Variants in ZSWIM5 observed in about 807,000 individuals in gnomAD.
ZSWIM5 encodes zinc finger SWIM domain-containing protein 5.
Under a neutral mutation model 119.6 loss-of-function variants are expected in ZSWIM5, and 55 were observed. That is an observed-to-expected ratio of 0.46 (90% CI 0.37 to 0.58). ZSWIM5 has a LOEUF of 0.58. Among genes scored for constraint, ZSWIM5 ranks in the 20% least tolerant of loss-of-function variants. ZSWIM5 has a pLI of 0.00. For missense variants in ZSWIM5, 1,193 were observed against 1,512.8 expected (o/e 0.79, Z 3.51); for synonymous variants, 537 against 606.9 (o/e 0.88, Z 1.69).
rs186101195 is a variant in ZSWIM5, at chr1:45,115,845, C to T, written c.596-27608G>A. 6.8e-3 allele frequency among the ~76,000 whole-genome samples: 1,037 copies of T among 152,254 alleles called. 22 individuals carry two copies. Among genetic ancestry groups the T allele is most frequent in the African/African-American group, 0.024 (1,004 of 41,534 alleles). On this transcript the variant is annotated intron_variant, in intron 1 of 13. Coordinates refer to ENST00000359600, the MANE Select transcript of ZSWIM5 (RefSeq NM_020883.2). ...GCAGAGACACTCCTCACTTCCCAGACGGGGTGGCGGCCGGGCAGAGGCTGC... is the reference window on the plus strand; with the variant it reads ...GCAGAGACACTCCTCACTTCCCAGATGGGGTGGCGGCCGGGCAGAGGCTGC...
intron 2 of ZSWIM5, among the ~76,000 whole-genome samples, chr1:45,084,339 C>T (rs576338281): frequency 6.2e-4 from 95 of 152,284 alleles, no homozygotes; most frequent in Non-Finnish European, 1.1e-3. Flanking sequence ...ATTACAAATT[C>T]AATATGAGAT....
At chr1:45,200,648 T>C (rs551140260) in intron 1 of ZSWIM5, among the ~76,000 whole-genome samples, 2 of 152,334 alleles carry the variant, frequency 1.3e-5, no homozygotes, top group Non-Finnish European at 2.9e-5. Context: ...TCATTTTTTA[T>C]CAAGAATGAC....
chr1:45,153,064 A>C (rs1468755570), intron 1 of ZSWIM5, among the ~76,000 whole-genome samples: 1 of 150,824 alleles, frequency 6.6e-6, no homozygotes, highest in East Asian at 1.9e-4. Flanking sequence ...GCCATTTCAC[A>C]CCAATCAGAA....
chr1:45,114,935 CAT>C lies in ZSWIM5; in HGVS notation c.596-26700_596-26699del, dbSNP rs1645541332. Among the ~76,000 whole-genome samples the C allele has an allele frequency of 3.9e-5, 6 of 152,308 alleles. No homozygotes were observed. In the South Asian group the frequency reaches 1.2e-3, roughly 32 times the overall value. On this transcript the variant is annotated intron_variant, in intron 1 of 13. Coordinates refer to ENST00000359600, the MANE Select transcript of ZSWIM5 (RefSeq NM_020883.2). ...CATTTAACCCTTAGTGGACACAGCA[CAT>C]GTTTCAGAGAGCACGGGGTTGGGGG...
At chr1:45,188,879 A>G (rs1271357970) in intron 1 of ZSWIM5, among the ~76,000 whole-genome samples, 2 of 152,250 alleles carry the variant, frequency 1.3e-5, no homozygotes, top group Non-Finnish European at 2.9e-5. Context: ...CTAATCTCCA[A>G]GGGAATAGAT....
chr1:45,122,775 T>C (rs938192850), intron 1 of ZSWIM5, among the ~76,000 whole-genome samples: 1 of 152,172 alleles, frequency 6.6e-6, no homozygotes, highest in African/African-American at 2.4e-5. Flanking sequence ...AAGGCACTTT[T>C]AGACAATAAC....
At chr1:45,130,956 AT>A (rs1401179915) in intron 1 of ZSWIM5, among the ~76,000 whole-genome samples, 1 of 152,232 alleles carries the variant, frequency 6.6e-6, no homozygotes, top group Admixed American at 6.5e-5. Context: ...TCTCCAGAGA[AT>A]TATGCTGAGT....
At chr1:45,035,999 G>C in intron 9 of ZSWIM5, 40 bp downstream of exon 9, 1 of 1,598,904 alleles carries the variant, frequency 6.3e-7, no homozygotes, top group Non-Finnish European at 8.5e-7. Context: ...TCAGGGTCAT[G>C]GGCCAAAGAC....
intron 1 of ZSWIM5, among the ~76,000 whole-genome samples, chr1:45,183,612 T>G (rs1406914850): frequency 6.6e-6 from 1 of 152,214 alleles, no homozygotes; most frequent in Non-Finnish European, 1.5e-5. Context: ...CAGAGAATAC[T>G]ACAAACACCT....
At chr1:45,077,758 C>G (rs984819438) in intron 2 of ZSWIM5, among the ~76,000 whole-genome samples, 2 of 152,264 alleles carry the variant, frequency 1.3e-5, no homozygotes, top group East Asian at 1.9e-4. Flanking sequence ...CCCGGGGGGG[C>G]CAGTTCAGAG....
chr1:45,194,124 C>T (rs1646108640), intron 1 of ZSWIM5, among the ~76,000 whole-genome samples: 3 of 152,054 alleles, frequency 2.0e-5, no homozygotes, highest in Non-Finnish European at 4.4e-5. Context: ...ATGTTGGCTA[C>T]TCATATCAGT....
intron 1 of ZSWIM5, among the ~76,000 whole-genome samples, chr1:45,092,488 G>C (rs1408783407): frequency 7.0e-6 from 1 of 143,080 alleles, no homozygotes; most frequent in Admixed American, 7.3e-5. Context: ...GTAGAGACAG[G>C]GTTTCACCAT....
rs191879080 is a variant in ZSWIM5, at chr1:45,051,678, G to C, written c.1253-425C>G. On this transcript the variant is annotated intron_variant, in intron 4 of 13. Transcript: ENST00000359600. ...GTATTAAGATAAAGATATGTTCAGG[G>C]TATGAAAGCAGCATAGAGGAAGGGC... 7.0e-4 allele frequency among the ~76,000 whole-genome samples: 107 copies of C among 152,320 alleles called. No homozygotes were observed. The Middle Eastern group carries it at 0.024, about 34-fold the overall frequency.
chr1:45,133,595 G>A (rs1247306526), intron 1 of ZSWIM5, among the ~76,000 whole-genome samples: 1 of 152,148 alleles, frequency 6.6e-6, no homozygotes, highest in East Asian at 1.9e-4. Flanking sequence ...CTTTTGCTGT[G>A]CAGAAGCTCT....
At chr1:45,179,518 C>T (rs1308681389) in intron 1 of ZSWIM5, among the ~76,000 whole-genome samples, 1 of 152,092 alleles carries the variant, frequency 6.6e-6, no homozygotes, top group African/African-American at 2.4e-5. Context: ...GTAACAGATT[C>T]ATTCGTACGT....
chr1:45,117,486 G>T (rs190513034), intron 1 of ZSWIM5, among the ~76,000 whole-genome samples: 37 of 152,238 alleles, frequency 2.4e-4, no homozygotes, highest in African/African-American at 8.4e-4. Context: ...ACCAGCCCTG[G>T]CAACATAGTG....
At chr1:45,168,497 T>A (rs1476983940) in intron 1 of ZSWIM5, among the ~76,000 whole-genome samples, 2 of 150,812 alleles carry the variant, frequency 1.3e-5, no homozygotes, top group Non-Finnish European at 3.0e-5. Flanking sequence ...ATATATATTT[T>A]TTTTAAAAAA....
chr1:45,184,606 C>T (rs2149050455), intron 1 of ZSWIM5, among the ~76,000 whole-genome samples: 1 of 152,160 alleles, frequency 6.6e-6, no homozygotes, highest in Admixed American at 6.5e-5. Context: ...ACACCAATAA[C>T]AGACAAACAG....
chr1:45,148,238 G>A (rs1645774803), intron 1 of ZSWIM5, among the ~76,000 whole-genome samples: 1 of 152,090 alleles, frequency 6.6e-6, no homozygotes, highest in South Asian at 2.1e-4. Context: ...AAGCCATCAA[G>A]AGAGGGAACA....
Sources: allele counts gnomAD v4.1 joint callset (sites outside exome capture counted in the v4.1 genomes callset), GRCh38; gene constraint gnomAD v4.1.1; transcripts MANE v1.5; gene names NCBI Gene and HGNC (gene_info 2026-07-23, HGNC 2026-07-21).